NXN: variants seen among roughly 807,000 people sequenced by gnomAD.
The protein encoded by NXN is nucleoredoxin 1.
In NXN, 16 loss-of-function variants were observed where a neutral mutation model predicts 48.6. The observed-to-expected ratio is 0.33, with a 90% CI of 0.22 to 0.50. The LOEUF (loss-of-function observed/expected upper bound fraction) is 0.50, where lower values mean the gene tolerates loss of function less well. Ranked by LOEUF, NXN falls within the 20% of genes least tolerant of loss-of-function variation. NXN has a pLI of 0.98. For missense variants in NXN, 492 were observed against 605.5 expected (o/e 0.81, Z 1.97); for synonymous variants, 281 against 269.6 (o/e 1.04, Z -0.41).
chr17:825,770 C>A lies in NXN; in HGVS notation c.478+191G>T. ...AGCCCCTAGGAGGGACATTCTGATC[C>A]CTGTGAAAATCTTAAAACCATGTCC... On this transcript the variant is annotated intron_variant, in intron 2 of 7. Transcript: ENST00000336868. This position sits in a 1 kb window ranked among gnomAD's most constrained non-coding sequence, Gnocchi z 4.1. The A allele has an allele frequency of 1.8e-6, 1 of 562,152 alleles. No individual in the cohort carries two copies. The highest frequency in any genetic ancestry group is 3.2e-6 in the Non-Finnish European group (1 of 314,932). The allele number at this position is 562,152 out of a possible 1,614,324, so 34.8% of individuals were successfully genotyped here.
At chr17:844,752 T>C (rs2144727439) in intron 1 of NXN, among the ~76,000 whole-genome samples, 1 of 152,150 alleles carries the variant, frequency 6.6e-6, no homozygotes, top group Non-Finnish European at 1.5e-5. Context: ...ACCCGGCTAA[T>C]TTTGGTATTT....
chr17:835,167 G>A lies in NXN; in HGVS notation c.361-9089C>T, dbSNP rs1320914502. On this transcript the variant is annotated intron_variant, in intron 1 of 7. Transcript: ENST00000336868. The stretch of plus-strand genomic sequence containing the variant: ...ACTAAAAATACAAAAAATTAGCCGG[G>A]TGTGGTGACGGGTGCCTGTACTCCC... Among the ~76,000 whole-genome samples the A allele has an allele frequency of 8.9e-4, 135 of 151,582 alleles. 1 individual carries two copies. The highest frequency in any genetic ancestry group is 2.7e-3 in the African/African-American group (113 of 41,244).
chr17:931,543 A>T (rs12946042), intron 1 of NXN, among the ~76,000 whole-genome samples: 23,151 of 152,042 alleles, frequency 0.15, 2,160 homozygotes, highest in South Asian at 0.27. Flanking sequence ...TATTTATTTT[A>T]AAAAAATTTT....
chr17:805,387 G>T (rs550782240), intron 5 of NXN, 140 bp from the exon 6 acceptor site: 60 of 904,088 alleles, frequency 6.6e-5, no homozygotes, highest in Non-Finnish European at 9.6e-5. Context: ...ACAATGAAGA[G>T]GCCAGGTCTA....
chr17:854,579 C>T (rs1265080481), intron 1 of NXN, among the ~76,000 whole-genome samples: 1 of 150,282 alleles, frequency 6.7e-6, no homozygotes, highest in East Asian at 2.0e-4. Flanking sequence ...GGCATGAACC[C>T]GAGAGGAGGA....
At chr17:927,763 C>CT (rs1203556878) in intron 1 of NXN, among the ~76,000 whole-genome samples, 5 of 151,944 alleles carry the variant, frequency 3.3e-5, no homozygotes, top group African/African-American at 1.2e-4. Flanking sequence ...CTCTCAGAGG[C>CT]AGAGAACAAA....
intron 1 of NXN, among the ~76,000 whole-genome samples, chr17:969,705 C>T (rs1405783636): frequency 1.3e-5 from 2 of 152,088 alleles, no homozygotes; most frequent in Non-Finnish European, 2.9e-5. Context: ...GGAAAAGCAG[C>T]GCCTTCTGAT....
intron 1 of NXN, among the ~76,000 whole-genome samples, chr17:870,596 A>C (rs979304099): frequency 1.3e-5 from 2 of 151,948 alleles, no homozygotes; most frequent in Non-Finnish European, 2.9e-5. Flanking sequence ...AAAAGTAATA[A>C]TACAAATAAT....
intron 1 of NXN, among the ~76,000 whole-genome samples, chr17:965,144 C>T (rs990760029): frequency 6.6e-6 from 1 of 152,222 alleles, no homozygotes; most frequent in Non-Finnish European, 1.5e-5. Context: ...TGTACCCACA[C>T]TCCACACATG....
chr17:943,683 T>G (rs773273146), intron 1 of NXN, among the ~76,000 whole-genome samples: 1 of 151,322 alleles, frequency 6.6e-6, no homozygotes, highest in Non-Finnish European at 1.5e-5. Context: ...TTAACCGGGC[T>G]TGGTGATGCA....
chr17:842,701 GC>G (rs1914398893), intron 1 of NXN: 1 of 310,322 alleles, frequency 3.2e-6, no homozygotes, highest in African/African-American at 2.3e-5. Context: ...ACTTTGGGAG[GC>G]TGAGGCGGGT....
At chr17:965,024 AG>A (rs1166824282) in intron 1 of NXN, among the ~76,000 whole-genome samples, 2 of 152,224 alleles carry the variant, frequency 1.3e-5, no homozygotes, top group Non-Finnish European at 2.9e-5. Context: ...CATGGCCCTC[AG>A]GAAGTACAAG....
chr17:939,113 A>G (rs1309401140), intron 1 of NXN, among the ~76,000 whole-genome samples: 1 of 152,152 alleles, frequency 6.6e-6, no homozygotes, highest in Non-Finnish European at 1.5e-5. Context: ...AAAATATAAC[A>G]GAATCTTTGA....
chr17:833,531 A>C (rs1913613443), intron 1 of NXN, among the ~76,000 whole-genome samples: 1 of 152,180 alleles, frequency 6.6e-6, no homozygotes, highest in Non-Finnish European at 1.5e-5. Context: ...AAGGTTTTCA[A>C]AATGCCTCTG....
At chr17:840,912 C>A (rs1209630049) in intron 1 of NXN, among the ~76,000 whole-genome samples, 1 of 152,188 alleles carries the variant, frequency 6.6e-6, no homozygotes, top group South Asian at 2.1e-4. Context: ...ACTGCCCCCA[C>A]AAGCCTTTCT....
At chr17:977,084 A>T (rs62068280) in intron 1 of NXN, among the ~76,000 whole-genome samples, 19,897 of 152,146 alleles carry the variant, frequency 0.13, 1,824 homozygotes, top group African/African-American at 0.25. Context: ...TTTTAAAATC[A>T]GCACGTAGCT....
At chr17:848,373 T>C (rs1490410294) in intron 1 of NXN, among the ~76,000 whole-genome samples, 1 of 152,208 alleles carries the variant, frequency 6.6e-6, no homozygotes. Context: ...ACTCCTGACC[T>C]CAGGTGATCT....
rs776159578 is a variant in NXN, at chr17:811,313, G to A, written c.821-6066C>T. Among the ~76,000 whole-genome samples the A allele has an allele frequency of 1.5e-4, 23 of 152,352 alleles. No individual in the cohort carries two copies. The Middle Eastern group carries it at 0.01, about 68-fold the overall frequency. On this transcript the variant is annotated intron_variant, in intron 5 of 7. Coordinates refer to ENST00000336868, the MANE Select transcript of NXN (RefSeq NM_022463.5). ...GGCCACGGGAGCCAAACCAGACAGGGCCCCTGGCCTAAGAGAGAAGGGGCT... is the reference window on the plus strand; with the variant it reads ...GGCCACGGGAGCCAAACCAGACAGGACCCCTGGCCTAAGAGAGAAGGGGCT...
chr17:825,501 G>C lies in NXN; in HGVS notation c.478+460C>G, dbSNP rs1274755762. ...AGACCAAGGCCCGCAGGGAGTGACAGCTCCAAGCAACGAGGTGCACTCACC... is the reference window on the plus strand; with the variant it reads ...AGACCAAGGCCCGCAGGGAGTGACACCTCCAAGCAACGAGGTGCACTCACC... On this transcript the variant is annotated intron_variant, in intron 2 of 7. Coordinates refer to ENST00000336868, the MANE Select transcript of NXN (RefSeq NM_022463.5). The surrounding 1 kb of genome is among the most constrained non-coding windows in gnomAD (Gnocchi z 4.1). 1 of 162,906 alleles carries C rather than the reference G, an allele frequency of 6.1e-6. No individual in the cohort carries two copies. Among genetic ancestry groups the C allele is most frequent in the East Asian group, 1.9e-4 (1 of 5,360 alleles). 10.1% of individuals were successfully genotyped at this position (162,906 alleles called of 1,614,324 possible). A position where few individuals can be genotyped will look rare whatever the true frequency, so the allele number is the denominator to read the frequency against.
Sources: gnomAD v4.1 joint callset for allele counts (sites outside exome capture counted in the v4.1 genomes callset) on GRCh38, gnomAD v4.1.1 for gene constraint, Gnocchi (gnomAD v3.1) non-coding constraint, MANE v1.5 for transcripts, NCBI Gene and HGNC (gene_info 2026-07-23, HGNC 2026-07-21) for gene names.